Variants in PCDHA7 observed in about 807,000 individuals in gnomAD.
PCDHA7 encodes protocadherin alpha 7.
In PCDHA7, 37 loss-of-function variants were observed where a neutral mutation model predicts 57.2. The observed-to-expected ratio is 0.65, with a 90% confidence interval of 0.50 to 0.85. The LOEUF (loss-of-function observed/expected upper bound fraction) is 0.85, where lower values mean the gene tolerates loss of function less well. Among genes scored for constraint, PCDHA7 ranks in the 40% least tolerant of loss-of-function variants. The pLI, the probability that PCDHA7 is intolerant of heterozygous loss-of-function variation, is 0.00. For missense variants in PCDHA7, 1,188 were observed against 1,241.8 expected, an observed-to-expected ratio of 0.96 and a Z score of 0.65; for synonymous variants, 553 against 558.8, an observed-to-expected ratio of 0.99 and a Z score of 0.15.
chr5:140,838,286 T>TC (rs2150151139), intron 1 of PCDHA7, among the ~76,000 whole-genome samples: 1 of 149,632 alleles, frequency 6.7e-6, no homozygotes, highest in African/African-American at 2.5e-5. Context: ...GCTAATTTTT[T>TC]TTTTTTTTTG....
At position 140,850,247 on chromosome 5, in the gene PCDHA7, G is replaced by T; in HGVS notation, c.2355+13509G>T. On this transcript the variant is annotated intron_variant, in intron 1 of 3. Coordinates refer to ENST00000525929, the MANE Select transcript of PCDHA7 (RefSeq NM_018910.3). ...CAGTGAGCGAGATGGTGCTGCGGTC[G>T]GTGGGCGCCGGCGTAGTGGTGGGGA... is the stretch of plus-strand genomic sequence containing the variant. 10 of 1,593,682 alleles carry T rather than the reference G, an allele frequency of 6.3e-6. 1 individual carries two copies. Among genetic ancestry groups the T allele is most frequent in the Non-Finnish European group, 8.6e-6 (10 of 1,166,960 alleles).
intron 1 of PCDHA7, chr5:140,883,572 T>C: frequency 6.2e-7 from 1 of 1,614,098 alleles, no homozygotes; most frequent in Non-Finnish European, 8.5e-7. Flanking sequence ...TCGCCTTCGC[T>C]GTGGGCCACG....
rs782141223 is a variant in PCDHA7, at chr5:140,929,191, AAC to A, written c.2356-49756_2356-49755del. On this transcript the variant is annotated intron_variant, in intron 1 of 3. Transcript: ENST00000525929. ...CTCTCTGGGACTTGGTTCTGATAAT[AAC>A]AGTTTGCTGTTGCGTGGGGAGTACA... is the stretch of plus-strand genomic sequence containing the variant. 3.1e-6 allele frequency: 5 copies of A among 1,614,000 alleles called. No homozygotes were observed. In the African/African-American group the frequency reaches 6.7e-5, roughly 22 times the overall value.
chr5:140,861,046 A>G (rs2046732410), intron 1 of PCDHA7: 1 of 152,256 alleles, frequency 6.6e-6, no homozygotes, highest in African/African-American at 2.4e-5. Context: ...ATTTTTTTTA[A>G]CAGAAGAAAA....
At chr5:140,943,277 AG>A (rs199866143) in intron 1 of PCDHA7, among the ~76,000 whole-genome samples, 16,429 of 127,604 alleles carry the variant, frequency 0.13, 1,638 homozygotes, top group African/African-American at 0.18. Flanking sequence ...AAAAAAAAAA[AG>A]AAAGAAAGAA....
rs920860677 is a variant in PCDHA7, at chr5:140,985,387, C to T, written c.2503+2824C>T. Among the ~76,000 whole-genome samples the T allele has an allele frequency of 3.0e-4, 45 of 152,272 alleles. 1 individual carries two copies. Among genetic ancestry groups the T allele is most frequent in the African/African-American group, 9.9e-4 (41 of 41,542 alleles). On this transcript the variant is annotated intron_variant, in intron 3 of 3. Transcript: ENST00000525929. ...GTTATCTGGGTCTATATAATCCAGTCACCCCAACTGTTCCCCTGGAAATGG... is the reference window on the plus strand; with the variant it reads ...GTTATCTGGGTCTATATAATCCAGTTACCCCAACTGTTCCCCTGGAAATGG...
chr5:140,875,198 G>T (rs782209612), intron 1 of PCDHA7: 16 of 552,110 alleles, frequency 2.9e-5, no homozygotes, highest in Non-Finnish European at 4.5e-5. Flanking sequence ...GACCCAGGAA[G>T]TGGCTAAACC....
intron 1 of PCDHA7, chr5:140,876,545 C>T (rs1281346113): frequency 6.2e-7 from 1 of 1,614,082 alleles, no homozygotes; most frequent in Non-Finnish European, 8.5e-7. Flanking sequence ...CTGTCGCTCC[C>T]TGTGCAAGAG....
At chr5:140,855,994 G>T in intron 1 of PCDHA7, 2 of 1,498,182 alleles carry the variant, frequency 1.3e-6, no homozygotes, top group South Asian at 1.3e-5. Flanking sequence ...ATGTCAGATC[G>T]TATGTGCGTT....
chr5:140,869,407 T>G, intron 1 of PCDHA7: 4 of 1,614,120 alleles, frequency 2.5e-6, no homozygotes, highest in African/African-American at 1.3e-5. Context: ...GAGCGCGGAG[T>G]GCAGCATCCA....
At chr5:140,869,170 T>C in intron 1 of PCDHA7, 3 of 1,613,920 alleles carry the variant, frequency 1.9e-6, no homozygotes, top group Non-Finnish European at 2.5e-6. Context: ...CCTCCTCGAA[T>C]TCTGGGAGGT....
chr5:140,850,053 C>T, intron 1 of PCDHA7: 4 of 1,596,534 alleles, frequency 2.5e-6, no homozygotes, highest in Non-Finnish European at 3.4e-6. Context: ...GGTGTACGCG[C>T]TGCAGCCGTT....
chr5:140,968,657 G>T (rs782383428), intron 1 of PCDHA7: 16 of 1,614,142 alleles, frequency 9.9e-6, no homozygotes, highest in Non-Finnish European at 1.4e-5. Flanking sequence ...TTCTGACCTG[G>T]ACCTCTTTAA....
At position 140,834,454 on chromosome 5, in the gene PCDHA7, G is replaced by A; in HGVS notation, c.71G>A (p.Trp24Ter). The change falls in exon 1 of 4, where the codon TGG becomes TAG. Residue 24 changes from tryptophan (W) to a stop codon, truncating the protein, a stop_gained. Transcript: ENST00000525929. LOFTEE classifies it high-confidence loss of function. The stretch of plus-strand genomic sequence containing the variant: ...CTGTTTATTATAATTCTAGCAGCTT[G>A]GGAGGCAGGGAGAGGCCAGCTCCAC... ...LLLFIIILAA[W>*]EAGRGQLHYS... 1 of 1,614,182 alleles carries A rather than the reference G, an allele frequency of 6.2e-7. No homozygotes were observed. Among genetic ancestry groups the A allele is most frequent in the South Asian group, 1.1e-5 (1 of 91,082 alleles).
At chr5:140,958,923 T>C (rs535689053) in intron 1 of PCDHA7, among the ~76,000 whole-genome samples, 1 of 148,814 alleles carries the variant, frequency 6.7e-6, no homozygotes, top group South Asian at 2.1e-4. Flanking sequence ...CTGGGTGTGG[T>C]GGCTCATACT....
Position 140,841,358 on chromosome 5 carries a change from C to T in PCDHA7, c.2355+4620C>T, listed in dbSNP as rs2150314140. 4 of 1,612,986 alleles carry T rather than the reference C, an allele frequency of 2.5e-6. No individual in the cohort carries two copies. In the South Asian group the frequency reaches 4.4e-5, roughly 18 times the overall value. ...CTGGCGAGGAGAGCTGGGATCCTGG[C>T]GACTACTACTCTTGCTTCTGCTCCT... On this transcript the variant is annotated intron_variant, in intron 1 of 3. Transcript: ENST00000525929.
intron 1 of PCDHA7, among the ~76,000 whole-genome samples, chr5:140,878,377 T>C (rs2057568265): frequency 6.6e-6 from 1 of 152,274 alleles, no homozygotes; most frequent in Non-Finnish European, 1.5e-5. Flanking sequence ...ATATGATGAA[T>C]GATTTTCTTC....
chr5:140,983,897 G>A (rs155365), intron 3 of PCDHA7, among the ~76,000 whole-genome samples: 149,305 of 152,360 alleles, frequency 0.98, 73,183 homozygotes, highest in Middle Eastern at 1. Flanking sequence ...AAGGGCATTC[G>A]TTGATTCTAA....
intron 1 of PCDHA7, among the ~76,000 whole-genome samples, chr5:140,887,198 G>T (rs1276345927): frequency 6.6e-6 from 1 of 151,492 alleles, no homozygotes; most frequent in Admixed American, 6.6e-5. Flanking sequence ...CCGGGTTCAC[G>T]CCATTCTCCT....
Sources: gnomAD v4.1 joint callset for allele counts (sites outside exome capture counted in the v4.1 genomes callset) on GRCh38, gnomAD v4.1.1 for gene constraint, MANE v1.5 for transcripts, NCBI Gene and HGNC (gene_info 2026-07-23, HGNC 2026-07-21) for gene names.